The following WWOX variants were observed in gnomAD, a reference collection of about 807,000 sequenced individuals.
The protein encoded by WWOX is WW domain containing oxidoreductase, also known as WW domain-containing oxidoreductase.
WWOX carries 69 observed loss-of-function variants against 46.2 expected under a neutral mutation model. The observed-to-expected ratio is 1.49, with a 90% confidence interval of 1.23 to 1.82. WWOX has a LOEUF of 1.82. Ranked by LOEUF, WWOX falls within the 40% of genes most tolerant of loss-of-function variation. WWOX has a pLI of 0.00. For synonymous variants in WWOX, 359 were observed against 202.6 expected (o/e 1.77, Z -6.56); for missense variants, 919 against 542.6 (o/e 1.69, Z -6.89).
chr16:79,209,563 G>C (rs1005531154), intron 8 of WWOX, among the ~76,000 whole-genome samples: 3 of 152,160 alleles, frequency 2.0e-5, no homozygotes. Flanking sequence ...CCCACCACTC[G>C]GGAGTTAATG....
intron 8 of WWOX, among the ~76,000 whole-genome samples, chr16:78,947,850 C>A (rs536985845): frequency 6.6e-6 from 1 of 152,124 alleles, no homozygotes; most frequent in African/African-American, 2.4e-5. Flanking sequence ...AATAAAATAT[C>A]CCAGAGTGGC....
chr16:78,370,446 GA>G (rs544891482), intron 5 of WWOX, among the ~76,000 whole-genome samples: 5 of 152,040 alleles, frequency 3.3e-5, no homozygotes, highest in South Asian at 4.2e-4. Flanking sequence ...TTGGGAAAGG[GA>G]AAAAGGAGAG....
At chr16:78,309,835 C>G (rs182845776) in intron 5 of WWOX, among the ~76,000 whole-genome samples, 24 of 152,282 alleles carry the variant, frequency 1.6e-4, no homozygotes, top group Non-Finnish European at 2.8e-4. Flanking sequence ...AATCCTGGCT[C>G]CACTACCTGG....
At chr16:78,163,583 C>A (rs113485663) in intron 4 of WWOX, among the ~76,000 whole-genome samples, 1 of 152,152 alleles carries the variant, frequency 6.6e-6, no homozygotes, top group Admixed American at 6.5e-5. Flanking sequence ...CAGATCTTGG[C>A]CCCCAAAATT....
In WWOX at chr16:78,799,051, C is replaced by T. The variant is rs565279732; in HGVS notation, c.1056+366299C>T. Among the ~76,000 whole-genome samples, 70 of 152,218 alleles carry T rather than the reference C, an allele frequency of 4.6e-4. No individual in the cohort carries two copies. In the South Asian group the frequency reaches 0.014, roughly 31 times the overall value. On this transcript the variant is annotated intron_variant, in intron 8 of 8. Coordinates refer to ENST00000566780, the MANE Select transcript of WWOX (RefSeq NM_016373.4). ...GCATTTCATTTATATGTGCTTGTAT[C>T]GTCTATACCTTGTCAATCCATTTTG...
intron 8 of WWOX, among the ~76,000 whole-genome samples, chr16:78,912,580 C>T (rs1027268180): frequency 6.6e-6 from 1 of 152,042 alleles, no homozygotes; most frequent in African/African-American, 2.4e-5. Context: ...ATATCCCCAG[C>T]ACTGTAATTT....
At chr16:78,239,786 C>T (rs919739301) in intron 5 of WWOX, among the ~76,000 whole-genome samples, 8 of 152,124 alleles carry the variant, frequency 5.3e-5, no homozygotes, top group African/African-American at 1.7e-4. Flanking sequence ...CCGCCAGTCT[C>T]AACCTCCCAA....
At chr16:79,063,371 A>G (rs113901936) in intron 8 of WWOX, among the ~76,000 whole-genome samples, 1 of 152,202 alleles carries the variant, frequency 6.6e-6, no homozygotes, top group African/African-American at 2.4e-5. Context: ...GCCCCATCAC[A>G]TCACAACAGG....
At chr16:78,816,508 T>C (rs1374728842) in intron 8 of WWOX, among the ~76,000 whole-genome samples, 1 of 135,054 alleles carries the variant, frequency 7.4e-6, no homozygotes, top group African/African-American at 3.0e-5. Flanking sequence ...CACTCTTTTT[T>C]TTTTTTTTTT....
intron 8 of WWOX, among the ~76,000 whole-genome samples, chr16:78,479,834 G>A (rs2084444779): frequency 6.6e-6 from 1 of 152,184 alleles, no homozygotes; most frequent in Admixed American, 6.5e-5. Flanking sequence ...CCAGGCTGAG[G>A]CTGGCACCAA....
chr16:78,753,801 C>CA lies in WWOX; in HGVS notation c.1056+321074dup, dbSNP rs869066028. On this transcript the variant is annotated intron_variant, in intron 8 of 8. Coordinates refer to ENST00000566780, the MANE Select transcript of WWOX (RefSeq NM_016373.4). ...TGGGTGACAGGGCAAGACCCTATAT[C>CA]AAAAAAAAAAAAAAAAAAAAAAAAA... Among the ~76,000 whole-genome samples the CA allele has an allele frequency of 2.9e-3, 85 of 29,140 alleles. 1 individual carries two copies. The highest frequency in any genetic ancestry group is 5.3e-3 in the East Asian group (3 of 562). The allele number at this position is 29,140 out of a possible 152,430, so 19.1% of individuals were successfully genotyped here.
chr16:78,913,195 T>A (rs55653553), intron 8 of WWOX, among the ~76,000 whole-genome samples: 21,815 of 151,888 alleles, frequency 0.14, 1,834 homozygotes, highest in South Asian at 0.21. Flanking sequence ...CGAGACCTCA[T>A]CCTTGCAGGG....
chr16:78,847,591 C>T (rs970444004), intron 8 of WWOX, among the ~76,000 whole-genome samples: 2 of 152,140 alleles, frequency 1.3e-5, no homozygotes, highest in East Asian at 1.9e-4. Context: ...GCCTCAGCTT[C>T]CCTAAGTGTT....
At chr16:79,058,106 TAAAA>T in intron 8 of WWOX, among the ~76,000 whole-genome samples, 1 of 81,738 alleles carries the variant, frequency 1.2e-5, no homozygotes, top group African/African-American at 5.7e-5. Context: ...ATATCTTACT[TAAAA>T]AAAAAAAAAA....
intron 4 of WWOX, among the ~76,000 whole-genome samples, chr16:78,139,537 C>G (rs111587900): frequency 0.052 from 7,882 of 152,110 alleles, 238 homozygotes; most frequent in African/African-American, 0.059. Flanking sequence ...CCCAGCTACT[C>G]GGGAGGCTGA....
intron 8 of WWOX, among the ~76,000 whole-genome samples, chr16:78,468,735 T>TA (rs1277427671): frequency 1.3e-5 from 2 of 152,204 alleles, no homozygotes; most frequent in African/African-American, 4.8e-5. Flanking sequence ...TGATGGTACT[T>TA]ACCTCAAAGA....
intron 5 of WWOX, among the ~76,000 whole-genome samples, chr16:78,334,601 A>T (rs534350512): frequency 7.9e-5 from 12 of 152,180 alleles, no homozygotes; most frequent in Non-Finnish European, 1.5e-4. Context: ...CCCAAACAGA[A>T]CATAGAGTTG....
At chr16:78,927,171 C>T (rs2045517544) in intron 8 of WWOX, among the ~76,000 whole-genome samples, 1 of 152,110 alleles carries the variant, frequency 6.6e-6, no homozygotes, top group African/African-American at 2.4e-5. Context: ...ATAAAATGGA[C>T]CTTGTTTTGA....
At chr16:78,787,868 G>C (rs1236238890) in intron 8 of WWOX, among the ~76,000 whole-genome samples, 2 of 152,018 alleles carry the variant, frequency 1.3e-5, no homozygotes, top group Non-Finnish European at 2.9e-5. Context: ...TTGTATCGTG[G>C]TTTTGATTTG....
Sources: gnomAD v4.1 joint callset for allele counts (sites outside exome capture counted in the v4.1 genomes callset) on GRCh38, gnomAD v4.1.1 for gene constraint, MANE v1.5 for transcripts, NCBI Gene and HGNC (gene_info 2026-07-23, HGNC 2026-07-21) for gene names.